SRGAP3: variants seen among roughly 807,000 people sequenced by gnomAD.
The protein encoded by SRGAP3 is SLIT-ROBO Rho GTPase-activating protein 3.
A neutral mutation model predicts 121.1 loss-of-function variants in SRGAP3; 39 were observed. The observed-to-expected ratio is 0.32, with a 90% CI of 0.25 to 0.42. The LOEUF (loss-of-function observed/expected upper bound fraction) is 0.42. SRGAP3 is among the 10% of genes least tolerant of loss of function. SRGAP3 has a pLI of 1.00. For missense variants in SRGAP3, 1,213 were observed against 1,470.6 expected, an observed-to-expected ratio of 0.82 and a Z score of 2.86; for synonymous variants, 601 against 570.0, an observed-to-expected ratio of 1.05 and a Z score of -0.77.
intron 2 of SRGAP3, among the ~76,000 whole-genome samples, chr3:9,107,028 A>G (rs938352369): frequency 2.6e-5 from 4 of 152,202 alleles, no homozygotes; most frequent in Non-Finnish European, 5.9e-5. Flanking sequence ...CTAAAAATCT[A>G]TCTAGGCAGC....
intron 3 of SRGAP3, among the ~76,000 whole-genome samples, chr3:9,093,637 A>G (rs1248285982): frequency 6.6e-6 from 1 of 151,950 alleles, no homozygotes; most frequent in Non-Finnish European, 1.5e-5. Flanking sequence ...CCATTCCTTT[A>G]TCAATCTCCC....
chr3:9,302,691 G>C (rs1025722641), intron 3 of SRGAP3, among the ~76,000 whole-genome samples: 1 of 152,222 alleles, frequency 6.6e-6, no homozygotes. Flanking sequence ...CCAGGTTCTT[G>C]CAGTGAGGAA....
chr3:9,097,275 G>A (rs1948024618), intron 3 of SRGAP3, among the ~76,000 whole-genome samples: 1 of 151,968 alleles, frequency 6.6e-6, no homozygotes, highest in Non-Finnish European at 1.5e-5. Context: ...ACAGATGTGA[G>A]CCACCATGCC....
intron 3 of SRGAP3, among the ~76,000 whole-genome samples, chr3:9,086,646 C>T (rs980255099): frequency 7.4e-6 from 1 of 135,174 alleles, no homozygotes; most frequent in Non-Finnish European, 1.6e-5. Context: ...CCCACATATA[C>T]ATATATGAAA....
intron 3 of SRGAP3, among the ~76,000 whole-genome samples, chr3:9,320,415 T>G (rs1388381041): frequency 6.6e-6 from 1 of 151,864 alleles, no homozygotes; most frequent in Non-Finnish European, 1.5e-5. Flanking sequence ...CACTATCCCC[T>G]TGGTGCTGGT....
At chr3:9,005,256 A>G (rs1415015696) in intron 18 of SRGAP3, among the ~76,000 whole-genome samples, 1 of 152,254 alleles carries the variant, frequency 6.6e-6, no homozygotes, top group Non-Finnish European at 1.5e-5. Flanking sequence ...GGATGGCAAG[A>G]ATCAAAAAGT....
intron 13 of SRGAP3, 51 bp from the exon 14 acceptor site, chr3:9,025,389 G>A (rs778596228): frequency 6.3e-7 from 1 of 1,577,420 alleles, no homozygotes; most frequent in Admixed American, 1.7e-5. Context: ...GAGACCTTGA[G>A]TTCATTAGAC....
At chr3:9,227,410 C>G (rs988929343) in intron 1 of SRGAP3, among the ~76,000 whole-genome samples, 4 of 152,140 alleles carry the variant, frequency 2.6e-5, no homozygotes, top group Admixed American at 2.6e-4. Flanking sequence ...GGCCCACATT[C>G]CAGACATTGG....
intron 1 of SRGAP3, among the ~76,000 whole-genome samples, chr3:9,356,984 T>C (rs1419874267): frequency 6.6e-6 from 1 of 151,724 alleles, no homozygotes; most frequent in Non-Finnish European, 1.5e-5. Flanking sequence ...TTTTGGGGGG[T>C]GGGTGTGGTG....
chr3:9,060,947 A>C (rs373809330), intron 5 of SRGAP3, among the ~76,000 whole-genome samples: 1 of 152,132 alleles, frequency 6.6e-6, no homozygotes, highest in African/African-American at 2.4e-5. Flanking sequence ...GGGTGTAAAT[A>C]AGATCCCTGG....
intron 1 of SRGAP3, among the ~76,000 whole-genome samples, chr3:9,129,618 T>C (rs1007515369): frequency 1.3e-5 from 2 of 152,052 alleles, no homozygotes; most frequent in Non-Finnish European, 2.9e-5. Context: ...TAGCGCTGTT[T>C]GGGTTTTTTT....
At chr3:9,163,168 A>G (rs1034753067) in intron 1 of SRGAP3, among the ~76,000 whole-genome samples, 8 of 152,190 alleles carry the variant, frequency 5.3e-5, no homozygotes, top group Admixed American at 5.2e-4. Flanking sequence ...CAGTCTGTCC[A>G]GGCTGCCCTG....
intron 1 of SRGAP3, among the ~76,000 whole-genome samples, chr3:9,208,915 AT>A: frequency 6.6e-6 from 1 of 152,362 alleles, no homozygotes; most frequent in South Asian, 2.1e-4. Flanking sequence ...CATTCAATCA[AT>A]GTCTGTCAGT....
At chr3:9,354,437 T>C (rs2030374307) in intron 1 of SRGAP3, among the ~76,000 whole-genome samples, 1 of 151,968 alleles carries the variant, frequency 6.6e-6, no homozygotes, top group South Asian at 2.1e-4. Flanking sequence ...CCCAGCACTT[T>C]GGGAGGCCGA....
chr3:9,322,432 G>A (rs1004352743), intron 3 of SRGAP3, among the ~76,000 whole-genome samples: 1 of 151,790 alleles, frequency 6.6e-6, no homozygotes, highest in African/African-American at 2.4e-5. Flanking sequence ...TCTTAATACA[G>A]GGGTCCCCAA....
At chr3:8,990,935 T>C in intron 20 of SRGAP3, 96 bp from the exon 21 acceptor site, 1 of 1,106,348 alleles carries the variant, frequency 9.0e-7, no homozygotes, top group Non-Finnish European at 1.2e-6. Flanking sequence ...CACTACACGC[T>C]AGTCTAAGGA....
Position 9,015,736 on chromosome 3 carries a change from G to A in SRGAP3, c.1679-5C>T. 1 of 1,614,130 alleles carries A rather than the reference G, an allele frequency of 6.2e-7. No individual in the cohort carries two copies. Among genetic ancestry groups the A allele is most frequent in the Non-Finnish European group, 8.5e-7 (1 of 1,180,028 alleles). On this transcript the variant is annotated splice_region_variant and splice_polypyrimidine_tract_variant and intron_variant, in intron 14 of 21. Coordinates refer to ENST00000383836, the MANE Select transcript of SRGAP3 (RefSeq NM_014850.4). ...CGTCCACAAGGGGGTCTTCACCTGA[G>A]TGGAAACAAGAGACGAGATGATATT... is the stretch of plus-strand genomic sequence containing the variant.
At chr3:9,296,787 C>A (rs939107638) in intron 3 of SRGAP3, among the ~76,000 whole-genome samples, 23 of 152,238 alleles carry the variant, frequency 1.5e-4, no homozygotes, top group African/African-American at 5.5e-4. Flanking sequence ...TTGTGCCTAG[C>A]ACACAGCACA....
At chr3:9,031,180 T>G (rs1944462236) in intron 12 of SRGAP3, among the ~76,000 whole-genome samples, 1 of 152,138 alleles carries the variant, frequency 6.6e-6, no homozygotes. Context: ...CTTTCTGCCT[T>G]TTGTGTTTAA....
Sources: allele counts gnomAD v4.1 joint callset (sites outside exome capture counted in the v4.1 genomes callset), GRCh38; gene constraint gnomAD v4.1.1; transcripts MANE v1.5; gene names NCBI Gene and HGNC (gene_info 2026-07-23, HGNC 2026-07-21).